The following PPRC1 variants were observed in gnomAD, a reference collection of about 807,000 sequenced individuals.
PPRC1 encodes the protein PPARG related coactivator 1.
PPRC1 carries 23 observed loss-of-function variants against 132.5 expected under a neutral mutation model. The observed-to-expected ratio is 0.17, with a 90% CI of 0.12 to 0.25. The LOEUF (loss-of-function observed/expected upper bound fraction) is 0.25, where lower values mean the gene tolerates loss of function less well. Ranked by LOEUF, PPRC1 falls within the 10% of genes least tolerant of loss-of-function variation. PPRC1 has a pLI of 1.00. For synonymous variants in PPRC1, 872 were observed against 833.5 expected, an observed-to-expected ratio of 1.05 and a Z score of -0.80; for missense variants, 2,006 against 2,089.1, an observed-to-expected ratio of 0.96 and a Z score of 0.78.
At chr10:102,127,039 AT>A in the PPRC1 span, among the ~76,000 whole-genome samples, 14 of 54,630 alleles carry the variant, frequency 2.6e-4, no homozygotes, top group Non-Finnish European at 3.9e-4. Context: ...ATATATATAT[AT>A]ATATATATAT....
chr10:102,121,313 AC>A, the PPRC1 span, among the ~76,000 whole-genome samples: 1 of 150,506 alleles, frequency 6.6e-6, no homozygotes, highest in East Asian at 1.9e-4. Flanking sequence ...ACCGCCTCCG[AC>A]CCCCCTGCCT....
At chr10:102,126,475 T>C in the PPRC1 span, among the ~76,000 whole-genome samples, 2 of 151,542 alleles carry the variant, frequency 1.3e-5, no homozygotes, top group Non-Finnish European at 1.5e-5. Context: ...TTTTTTTTTT[T>C]TGAGATGGAG....
At chr10:102,130,743 AAAAAC>A (rs1241675586), upstream of PPRC1, among the ~76,000 whole-genome samples, 2 of 152,022 alleles carry the variant, frequency 1.3e-5, no homozygotes, top group Non-Finnish European at 2.9e-5. Flanking sequence ...CTCACACACA[AAAAAC>A]AAAACAAAAG....
upstream of PPRC1, among the ~76,000 whole-genome samples, chr10:102,131,894 G>T (rs903234553): frequency 6.6e-6 from 1 of 152,196 alleles, no homozygotes; most frequent in Non-Finnish European, 1.5e-5. Context: ...CTTAGTTCAA[G>T]TGATTCACCC....
upstream of PPRC1, among the ~76,000 whole-genome samples, chr10:102,131,869 G>C (rs912257725): frequency 6.6e-6 from 1 of 152,134 alleles, no homozygotes; most frequent in South Asian, 2.1e-4. Context: ...TGTTGTCCAG[G>C]CTGGTCTCAA....
chr10:102,120,077 C>T, the PPRC1 span: 1 of 1,440,916 alleles, frequency 6.9e-7, no homozygotes, highest in African/African-American at 1.5e-5. Context: ...GGCCGCACGC[C>T]CCACTCACCA....
At chr10:102,133,020 G>A (rs2068575458), upstream of PPRC1, 2 of 1,237,330 alleles carry the variant, frequency 1.6e-6, no homozygotes, top group Admixed American at 4.2e-5. Flanking sequence ...AATCGGCTGG[G>A]CGAGGCGGCG....
chr10:102,120,543 G>T, the PPRC1 span: 1 of 246,644 alleles, frequency 4.1e-6, no homozygotes, highest in Non-Finnish European at 6.5e-6. Flanking sequence ...CTGCTAGTGG[G>T]AGGGGAGAGC....
At chr10:102,126,827 C>A in the PPRC1 span, among the ~76,000 whole-genome samples, 1 of 151,696 alleles carries the variant, frequency 6.6e-6, no homozygotes, top group Non-Finnish European at 1.5e-5. Flanking sequence ...TGCCCTGACA[C>A]GTGACTCCTC....
Position 102,145,010 on chromosome 10 carries a change from C to G in PPRC1, c.3609-10C>G. The G allele has an allele frequency of 1.3e-6, 2 of 1,562,872 alleles. No individual in the cohort carries two copies. Among genetic ancestry groups the G allele is most frequent in the Non-Finnish European group, 1.7e-6 (2 of 1,156,400 alleles). On this transcript the variant is annotated splice_polypyrimidine_tract_variant and intron_variant, in intron 7 of 13. Coordinates refer to ENST00000278070, the MANE Select transcript of PPRC1 (RefSeq NM_015062.5). The stretch of plus-strand genomic sequence containing the variant: ...AATGAATCAGGCTTTCCCTTTTCCC[C>G]CCCCGCCAGCGGCGTTGACATTCCC...
At position 102,138,894 on chromosome 10, in the gene PPRC1, ACT is replaced by A; in HGVS notation, c.513_514del (p.Arg172AspfsTer6). 6.2e-7 allele frequency: 1 copy of A among 1,613,718 alleles called. No homozygotes were observed. The highest frequency in any genetic ancestry group is 8.5e-7 in the Non-Finnish European group (1 of 1,179,900). ...TCCCTCTTAGCTGCACAAGCTGCTTACTCTCTCTCGGACACCCCCAGAACGTG... is the reference window on the plus strand; with the variant it reads ...TCCCTCTTAGCTGCACAAGCTGCTTACTCTCTCGGACACCCCCAGAACGTG... ...REGSSLHKLL[T>X]LSRTPPERDL... On this transcript the variant is annotated frameshift_variant, in exon 4 of 14. Coordinates refer to ENST00000278070, the MANE Select transcript of PPRC1 (RefSeq NM_015062.5). LOFTEE classifies it high-confidence loss of function.
At chr10:102,144,923 T>G in intron 7 of PPRC1, 97 bp from the exon 8 acceptor site, 2 of 1,017,670 alleles carry the variant, frequency 2.0e-6, no homozygotes, top group Non-Finnish European at 3.0e-6. Flanking sequence ...CCCATTCTTC[T>G]CTGCACCCAC....
At chr10:102,138,114 G>GCT in intron 2 of PPRC1, 76 bp downstream of exon 2, 1 of 1,457,904 alleles carries the variant, frequency 6.9e-7, no homozygotes, top group Non-Finnish European at 9.3e-7. Context: ...TCTTGGCATG[G>GCT]CTCTGCTCTC....
At chr10:102,145,602 C>A (rs1280951260) in intron 8 of PPRC1, among the ~76,000 whole-genome samples, 2 of 150,284 alleles carry the variant, frequency 1.3e-5, no homozygotes, top group South Asian at 4.2e-4. Context: ...CGGTGGCCCA[C>A]GCCTGTAATC....
the PPRC1 span, among the ~76,000 whole-genome samples, chr10:102,127,019 T>TTTTTTATATA: frequency 1.3e-5 from 1 of 78,884 alleles, no homozygotes; most frequent in African/African-American, 4.9e-5. Flanking sequence ...TGGTTTTTTA[T>TTTTTTATATA]CATATATATA....
At chr10:102,132,100 A>C (rs2068553633), upstream of PPRC1, among the ~76,000 whole-genome samples, 1 of 152,222 alleles carries the variant, frequency 6.6e-6, no homozygotes, top group South Asian at 2.1e-4. Context: ...GCCCCTATAT[A>C]TTTTTCCATT....
the PPRC1 span, among the ~76,000 whole-genome samples, chr10:102,122,037 G>C: frequency 2.0e-5 from 3 of 152,098 alleles, no homozygotes; most frequent in Non-Finnish European, 2.9e-5. Flanking sequence ...ATGTGCTTAG[G>C]ATGGGGGATA....
At position 102,141,872 on chromosome 10, in the gene PPRC1, C is replaced by G; in HGVS notation, c.3364C>G (p.Pro1122Ala). Reference sequence around the variant, plus strand: ...CCCCTTGCCTGCTACCAAGGCTGTTCCCACACCAAGGCAGAGCACTGTCCC... The same window carrying G: ...CCCCTTGCCTGCTACCAAGGCTGTTGCCACACCAAGGCAGAGCACTGTCCC... ...KPPLPATKAV[P>A]TPRQSTVPKL... is the part of the protein sequence containing the mutation. Residue 1122 changes from proline to alanine, a missense_variant, in exon 5 of 14, where the codon CCC (proline) becomes GCC (alanine). This residue lies in a region of PPRC1 where 1,914 missense variants were observed against 1,917.2 expected (regional missense o/e 1.00). Transcript: ENST00000278070. 1.9e-6 allele frequency: 3 copies of G among 1,614,112 alleles called. No homozygotes were observed. The highest frequency in any genetic ancestry group is 2.5e-6 in the Non-Finnish European group (3 of 1,180,032).
intron 1 of PPRC1, among the ~76,000 whole-genome samples, chr10:102,134,406 A>G (rs879919485): frequency 1.3e-5 from 2 of 152,132 alleles, no homozygotes; most frequent in African/African-American, 2.4e-5. Context: ...GCCTTCAAAA[A>G]GTGTTATTGT....
Sources: allele counts gnomAD v4.1 joint callset (sites outside exome capture counted in the v4.1 genomes callset), GRCh38; gene constraint gnomAD v4.1.1; regional missense constraint gnomAD v4.1.1; transcripts MANE v1.5; gene names NCBI Gene and HGNC (gene_info 2026-07-23, HGNC 2026-07-21).